The following CAMSAP2 variants were observed in gnomAD, a reference collection of about 807,000 sequenced individuals.
CAMSAP2 encodes the protein calmodulin regulated spectrin associated protein family member 2.
In CAMSAP2, 26 loss-of-function variants were observed where a neutral mutation model predicts 146.1. The observed-to-expected ratio is 0.18, with a 90% CI of 0.13 to 0.25. The LOEUF is 0.25. Among genes scored for constraint, CAMSAP2 ranks in the 10% least tolerant of loss-of-function variants. The pLI is 1.00. For synonymous variants in CAMSAP2, 499 were observed against 596.6 expected, an observed-to-expected ratio of 0.84 and a Z score of 2.38; for missense variants, 1,381 against 1,759.3, an observed-to-expected ratio of 0.78 and a Z score of 3.85.
At chr1:200,841,744 G>T (rs1272636624) in intron 6 of CAMSAP2, among the ~76,000 whole-genome samples, 1 of 152,104 alleles carries the variant, frequency 6.6e-6, no homozygotes, top group Non-Finnish European at 1.5e-5. Context: ...ACAGTTAGAG[G>T]TATTCATGCC....
intron 4 of CAMSAP2, among the ~76,000 whole-genome samples, chr1:200,817,335 C>T (rs1177480358): frequency 6.7e-6 from 1 of 148,800 alleles, no homozygotes; most frequent in African/African-American, 2.4e-5. Flanking sequence ...AAAGAAGAAA[C>T]ATTAACATGG....
At chr1:200,826,895 A>T (rs1183330582) in intron 4 of CAMSAP2, among the ~76,000 whole-genome samples, 1 of 152,088 alleles carries the variant, frequency 6.6e-6, no homozygotes, top group East Asian at 1.9e-4. Flanking sequence ...AAAATCAAAA[A>T]ACCTTTGTCC....
intron 1 of CAMSAP2, among the ~76,000 whole-genome samples, chr1:200,751,594 A>T (rs558608387): frequency 2.1e-4 from 31 of 149,220 alleles, no homozygotes; most frequent in Middle Eastern, 3.5e-3. Flanking sequence ...TGGTAAAGGC[A>T]GGGACCAGAC....
chr1:200,768,327 C>A (rs970709796), intron 2 of CAMSAP2, among the ~76,000 whole-genome samples: 1 of 152,012 alleles, frequency 6.6e-6, no homozygotes, highest in Non-Finnish European at 1.5e-5. Context: ...GCATGGTGAC[C>A]CTCAGGTCAA....
rs1395115021 is a variant in CAMSAP2, at chr1:200,858,200, A to C, written c.*141A>C. The C allele has an allele frequency of 1.5e-6, 1 of 677,968 alleles. No homozygotes were observed. The highest frequency in any genetic ancestry group is 3.4e-5 in the Admixed American group (1 of 29,722). The allele number at this position is 677,968 out of a possible 1,614,324, so 42.0% of individuals were successfully genotyped here. On this transcript the variant is annotated 3_prime_UTR_variant, in exon 17 of 17. Transcript: ENST00000358823. ...AAGCTCTGTTGTCATGAACAACTGGAATGTAAACCACAGTATTTTGGAGTG... is the reference window on the plus strand; with the variant it reads ...AAGCTCTGTTGTCATGAACAACTGGCATGTAAACCACAGTATTTTGGAGTG...
At chr1:200,823,488 T>A (rs1187077226) in intron 4 of CAMSAP2, among the ~76,000 whole-genome samples, 1 of 152,240 alleles carries the variant, frequency 6.6e-6, no homozygotes, top group Non-Finnish European at 1.5e-5. Flanking sequence ...TCCACTGATG[T>A]CCTTTTTAAA....
chr1:200,837,141 C>T (rs1667205314), intron 6 of CAMSAP2, among the ~76,000 whole-genome samples: 1 of 152,024 alleles, frequency 6.6e-6, no homozygotes, highest in Admixed American at 6.6e-5. Context: ...CTTCTTTTGG[C>T]ACCTTTGTCA....
At chr1:200,764,232 T>C (rs1023461598) in intron 2 of CAMSAP2, among the ~76,000 whole-genome samples, 9 of 152,196 alleles carry the variant, frequency 5.9e-5, no homozygotes, top group Non-Finnish European at 1.5e-5. Flanking sequence ...ATTTTTAATT[T>C]GGGATATTTT....
intron 2 of CAMSAP2, among the ~76,000 whole-genome samples, chr1:200,782,397 C>T (rs1665459097): frequency 6.6e-6 from 1 of 152,164 alleles, no homozygotes; most frequent in South Asian, 2.1e-4. Context: ...GTAGATACCA[C>T]TACAGTTGAG....
At chr1:200,791,032 A>G (rs1433369701) in intron 2 of CAMSAP2, among the ~76,000 whole-genome samples, 3 of 152,108 alleles carry the variant, frequency 2.0e-5, no homozygotes, top group Admixed American at 1.3e-4. Context: ...TTTAGTAGGG[A>G]TGGGGTTTCA....
At position 200,850,995 on chromosome 1, in the gene CAMSAP2, C is replaced by CT. The variant is rs368858613; in HGVS notation, c.3465+764dup. Reference sequence around the variant, plus strand: ...CCCCATAATTTTATTTTGTATTGTTCTTTAAGATTAACTTCAAGCTTCATC... The same window carrying CT: ...CCCCATAATTTTATTTTGTATTGTTCTTTTAAGATTAACTTCAAGCTTCATC... On this transcript the variant is annotated intron_variant, in intron 11 of 16. Coordinates refer to ENST00000358823, the MANE Select transcript of CAMSAP2 (RefSeq NM_203459.4). Among the ~76,000 whole-genome samples the CT allele has an allele frequency of 7.4e-3, 1,133 of 152,216 alleles. 12 individuals are homozygous for CT. Among genetic ancestry groups the CT allele is most frequent in the Middle Eastern group, 0.044 (13 of 294 alleles).
chr1:200,739,704 G>C lies in CAMSAP2; in HGVS notation c.-124G>C. The C allele has an allele frequency of 2.0e-5, 17 of 850,776 alleles. No individual in the cohort carries two copies. The highest frequency in any genetic ancestry group is 3.9e-5 in the East Asian group (1 of 25,688). 52.7% of individuals were successfully genotyped at this position (850,776 alleles called of 1,614,324 possible). On this transcript the variant is annotated 5_prime_UTR_variant, in exon 1 of 17. Coordinates refer to ENST00000358823, the MANE Select transcript of CAMSAP2 (RefSeq NM_203459.4). This position sits in a 1 kb window ranked among gnomAD's most constrained non-coding sequence, Gnocchi z 4.8. ...CTGAGCTTCTCCTCCGTCGGCGCCC[G>C]GGCGGACATCGCCCGGGCCCCGATG... is the stretch of plus-strand genomic sequence containing the variant.
chr1:200,803,630 A>C (rs1200111383), intron 2 of CAMSAP2, among the ~76,000 whole-genome samples: 1 of 152,088 alleles, frequency 6.6e-6, no homozygotes, highest in African/African-American at 2.4e-5. Flanking sequence ...AAAAAAAAAA[A>C]TCACACTAAA....
At chr1:200,800,313 G>A (rs150839132) in intron 2 of CAMSAP2, among the ~76,000 whole-genome samples, 254 of 152,208 alleles carry the variant, frequency 1.7e-3, no homozygotes, top group African/African-American at 6.1e-3. Flanking sequence ...CTCTTTGTAG[G>A]CCTCTAAGAA....
At chr1:200,834,101 C>T (rs1458156893) in intron 6 of CAMSAP2, among the ~76,000 whole-genome samples, 1 of 152,124 alleles carries the variant, frequency 6.6e-6, no homozygotes, top group Non-Finnish European at 1.5e-5. Context: ...TGGTGGCTCA[C>T]ACCTGTAATC....
At chr1:200,799,482 A>T (rs1246697195) in intron 2 of CAMSAP2, among the ~76,000 whole-genome samples, 1 of 152,136 alleles carries the variant, frequency 6.6e-6, no homozygotes, top group African/African-American at 2.4e-5. Flanking sequence ...GTATTCTCTG[A>T]TGGCAGTTTG....
intron 6 of CAMSAP2, among the ~76,000 whole-genome samples, chr1:200,836,078 A>AAT (rs56994839): frequency 0.19 from 28,259 of 147,866 alleles, 3,408 homozygotes; most frequent in East Asian, 0.37. Flanking sequence ...ACTTCATTTG[A>AAT]ATCTTTTTTT....
At chr1:200,855,743 C>T (rs1214788397) in intron 14 of CAMSAP2, among the ~76,000 whole-genome samples, 5 of 151,952 alleles carry the variant, frequency 3.3e-5, no homozygotes, top group African/African-American at 9.7e-5. Context: ...ATTACAGGCG[C>T]GTACCACCAT....
chr1:200,773,349 G>A (rs1665170565), intron 2 of CAMSAP2, among the ~76,000 whole-genome samples: 2 of 152,066 alleles, frequency 1.3e-5, no homozygotes, highest in South Asian at 4.1e-4. Context: ...TGCCTCCCAG[G>A]TTCAGGTGAT....
Sources: allele counts gnomAD v4.1 joint callset (sites outside exome capture counted in the v4.1 genomes callset), GRCh38; gene constraint gnomAD v4.1.1; non-coding constraint Gnocchi (gnomAD v3.1); transcripts MANE v1.5; gene names NCBI Gene and HGNC (gene_info 2026-07-23, HGNC 2026-07-21).